The following CTRC variants were observed in gnomAD, a reference collection of about 807,000 sequenced individuals.
CTRC encodes the protein chymotrypsin-C.
CTRC carries 32 observed loss-of-function variants against 35.7 expected under a neutral mutation model. That is an observed-to-expected ratio of 0.90 (90% CI 0.68 to 1.20). The LOEUF is 1.20. CTRC is among the 50% of genes most tolerant of loss of function. CTRC has a pLI of 0.00. For synonymous variants in CTRC, 119 were observed against 149.5 expected (o/e 0.80, Z 1.49); for missense variants, 324 against 361.5 (o/e 0.90, Z 0.84).
intron 2 of CTRC, 27 bp from the exon 3 acceptor site, chr1:15,440,466 C>T: frequency 6.2e-7 from 1 of 1,612,574 alleles, no homozygotes; most frequent in Non-Finnish European, 8.5e-7. Context: ...TGCAGGCTGA[C>T]ACACAGCCCT....
intron 6 of CTRC, 146 bp downstream of exon 6, chr1:15,444,897 AC>A: frequency 6.4e-6 from 6 of 936,040 alleles, no homozygotes; most frequent in African/African-American, 1.6e-5. Flanking sequence ...TAAGCCCATC[AC>A]CCCCCATCAC....
intron 5 of CTRC, among the ~76,000 whole-genome samples, chr1:15,444,336 A>G (rs1708183365): frequency 6.6e-6 from 1 of 152,112 alleles, no homozygotes; most frequent in Non-Finnish European, 1.5e-5. Context: ...AAAGACAGAG[A>G]CCCACAGGAA....
Position 15,447,059 on chromosome 1 carries a change from C to T in CTRC, c.*470C>T, listed in dbSNP as rs1052780466. 3.0e-5 allele frequency: 9 copies of T among 300,020 alleles called. No homozygotes were observed. The highest frequency in any genetic ancestry group is 8.9e-5 in the East Asian group (1 of 11,282). 18.6% of individuals were successfully genotyped at this position (300,020 alleles called of 1,614,324 possible). ...GAAGACAGGGTCTCCCCAAAAGCAG[C>T]GTCCCCCAGGCCAGAGAGACCAGGC... is the stretch of plus-strand genomic sequence containing the variant. On this transcript the variant is annotated 3_prime_UTR_variant, in exon 8 of 8. Coordinates refer to ENST00000375949, the MANE Select transcript of CTRC (RefSeq NM_007272.3).
chr1:15,445,593 G>T lies in CTRC; in HGVS notation c.640-4G>T, dbSNP rs753912502. The T allele has an allele frequency of 3.1e-6, 5 of 1,614,088 alleles. No individual in the cohort carries two copies. Among genetic ancestry groups the T allele is most frequent in the Non-Finnish European group, 4.2e-6 (5 of 1,179,938 alleles). ...GTGGCTTATGCCCTCCCGGTCTGGTGCAGGGGGACTCCGGTGGCCCACTGA... is the reference window on the plus strand; with the variant it reads ...GTGGCTTATGCCCTCCCGGTCTGGTTCAGGGGGACTCCGGTGGCCCACTGA... On this transcript the variant is annotated splice_polypyrimidine_tract_variant and splice_region_variant and intron_variant, in intron 6 of 7. Coordinates refer to ENST00000375949, the MANE Select transcript of CTRC (RefSeq NM_007272.3).
chr1:15,445,721 T>A lies in CTRC; in HGVS notation c.764T>A (p.Val255Glu), dbSNP rs1570786774. Reference sequence around the variant, plus strand: ...AAGAAGCCGGTAGTCTACACCCGGGTGTCCGCCTACATCGACTGGATCAAC... The same window carrying A: ...AAGAAGCCGGTAGTCTACACCCGGGAGTCCGCCTACATCGACTGGATCAAC... Reference protein sequence around the residue: ...TRKKPVVYTRVSAYIDWINEK... With the variant: ...TRKKPVVYTRESAYIDWINEK... Residue 255 changes from valine to glutamate, a missense_variant, in exon 7 of 8, where the codon GTG becomes GAG. Coordinates refer to ENST00000375949, the MANE Select transcript of CTRC (RefSeq NM_007272.3). 1.2e-6 allele frequency: 2 copies of A among 1,614,150 alleles called. No homozygotes were observed. Among genetic ancestry groups the A allele is most frequent in the Non-Finnish European group, 1.7e-6 (2 of 1,180,020 alleles).
chr1:15,438,774 C>G (rs932054018), intron 1 of CTRC, among the ~76,000 whole-genome samples: 13 of 152,174 alleles, frequency 8.5e-5, no homozygotes, highest in Non-Finnish European at 1.6e-4. Flanking sequence ...GGGGGAGGGA[C>G]ACGAGATGCC....
chr1:15,438,606 A>G, intron 1 of CTRC, 102 bp downstream of exon 1: 1 of 1,376,852 alleles, frequency 7.3e-7, no homozygotes, highest in Non-Finnish European at 1.0e-6. Flanking sequence ...TCTCCAGGTA[A>G]GACACTTTGG....
chr1:15,442,319 T>C lies in CTRC; in HGVS notation c.231-128T>C, dbSNP rs551016441. 4.8e-5 allele frequency: 61 copies of C among 1,258,546 alleles called. 1 individual carries two copies. In the African/African-American group the frequency reaches 8.6e-4, roughly 18 times the overall value. 78.0% of individuals were successfully genotyped at this position (1,258,546 alleles called of 1,614,324 possible). A position where few individuals can be genotyped will look rare whatever the true frequency, so the allele number is the denominator to read the frequency against. ...AAGTCCCAGGCCCTTCCCCTCACCC[T>C]GGGAAAGGACAATGGGAACACTCTC... On this transcript the variant is annotated intron_variant, in intron 3 of 7. Transcript: ENST00000375949.
chr1:15,443,442 T>C lies in CTRC; in HGVS notation c.380T>C (p.Leu127Pro), dbSNP rs1430157537. 6.2e-7 allele frequency: 1 copy of C among 1,614,234 alleles called. No homozygotes were observed. The highest frequency in any genetic ancestry group is 1.1e-5 in the South Asian group (1 of 91,090). Residue 127 changes from leucine to proline, a missense_variant, in exon 5 of 8, where the codon CTT (leucine) becomes CCT (proline). Leu to Pro is a moderately conservative substitution (Grantham distance 98). Transcript: ENST00000375949. Reference protein sequence around the residue: ...LLRNDIALIKLAEHVELSDTI... With the variant: ...LLRNDIALIKPAEHVELSDTI... ...AGCAATGATATTGCCCTCATCAAGC[T>C]TGCAGAGCATGTGGAGCTGAGTGAC... is the stretch of plus-strand genomic sequence containing the variant.
chr1:15,443,366 C>G, intron 4 of CTRC, 53 bp from the exon 5 acceptor site: 1 of 1,612,640 alleles, frequency 6.2e-7, no homozygotes, highest in Non-Finnish European at 8.5e-7. Flanking sequence ...TTAGCCTGAG[C>G]TTGTGGGGCC....
In CTRC at chr1:15,444,727, C is replaced by T. The variant is rs756236720; in HGVS notation, c.615C>T (p.Gly205=). Residue 205 remains glycine (G), a synonymous_variant, in exon 6 of 8, where the codon GGC becomes GGT. Transcript: ENST00000375949. ...AGAAAACCATGGTGTGCGCTGGGGG[C>T]GATGGCGTCATCTCAGCCTGCAATG... ...RVKKTMVCAG[G]DGVISACNGD... 7 of 1,614,170 alleles carry T rather than the reference C, an allele frequency of 4.3e-6. No homozygotes were observed. Among genetic ancestry groups the T allele is most frequent in the Non-Finnish European group, 5.9e-6 (7 of 1,180,036 alleles).
At chr1:15,446,023 T>C (rs1708217121) in intron 7 of CTRC, among the ~76,000 whole-genome samples, 1 of 148,558 alleles carries the variant, frequency 6.7e-6, no homozygotes, top group Non-Finnish European at 1.5e-5. Context: ...TTCATGCATT[T>C]ATTTACTCAT....
intron 1 of CTRC, 61 bp downstream of exon 1, chr1:15,438,565 AG>A: frequency 6.3e-7 from 1 of 1,594,072 alleles, no homozygotes; most frequent in Non-Finnish European, 8.6e-7. Flanking sequence ...CTCCAGGGCA[AG>A]GACGGGATGG....
In CTRC at chr1:15,447,146, A is replaced by AC. The variant is rs1016692194; in HGVS notation, c.*563dup. 5 of 213,122 alleles carry AC rather than the reference A, an allele frequency of 2.3e-5. No individual in the cohort carries two copies. The highest frequency in any genetic ancestry group is 7.0e-5 in the African/African-American group (3 of 43,048). The allele number at this position is 213,122 out of a possible 1,614,324, so 13.2% of individuals were successfully genotyped here. A position where few individuals can be genotyped will look rare whatever the true frequency, so the allele number is the denominator to read the frequency against. On this transcript the variant is annotated 3_prime_UTR_variant, in exon 8 of 8. Transcript: ENST00000375949. ...CTGGGGAAGGGGCTCCCTAGCAGGG[A>AC]CCCCCCACCCCCACCCCGCAGCACA...
At position 15,446,717 on chromosome 1, in the gene CTRC, C is replaced by T. The variant is rs1708227648; in HGVS notation, c.*128C>T. On this transcript the variant is annotated 3_prime_UTR_variant, in exon 8 of 8. Coordinates refer to ENST00000375949, the MANE Select transcript of CTRC (RefSeq NM_007272.3). The stretch of plus-strand genomic sequence containing the variant: ...TCCTCTCTGGTGCTGCCCCTTTCCA[C>T]ACTATGGAGCCAAAGAGAGACCCCA... 9.1e-7 allele frequency: 1 copy of T among 1,094,782 alleles called. No individual in the cohort carries two copies. The highest frequency in any genetic ancestry group is 1.4e-6 in the Non-Finnish European group (1 of 715,134). The allele number at this position is 1,094,782 out of a possible 1,614,324, so 67.8% of individuals were successfully genotyped here. A position where few individuals can be genotyped will look rare whatever the true frequency, so the allele number is the denominator to read the frequency against.
chr1:15,443,670 T>C, intron 5 of CTRC, 115 bp downstream of exon 5: 1 of 1,296,468 alleles, frequency 7.7e-7, no homozygotes. Flanking sequence ...TTGTAAACTT[T>C]GTAACAATAA....
At chr1:15,442,845 T>C (rs550824880) in intron 4 of CTRC, among the ~76,000 whole-genome samples, 8 of 152,240 alleles carry the variant, frequency 5.3e-5, no homozygotes, top group African/African-American at 9.6e-5. Flanking sequence ...CTCACCTTTA[T>C]TGAGTTCCTA....
At chr1:15,440,139 C>T (rs766682171) in intron 1 of CTRC, among the ~76,000 whole-genome samples, 161 bp from the exon 2 acceptor site, 2 of 152,216 alleles carry the variant, frequency 1.3e-5, no homozygotes, top group Non-Finnish European at 2.9e-5. Flanking sequence ...GAAAACAAGG[C>T]CTAGAGACCT....
chr1:15,438,897 A>G (rs1184132795), intron 1 of CTRC, among the ~76,000 whole-genome samples: 2 of 152,192 alleles, frequency 1.3e-5, no homozygotes, highest in African/African-American at 4.8e-5. Flanking sequence ...TTAGGAGCCC[A>G]GGGACTTAGC....
Sources: allele counts gnomAD v4.1 joint callset (sites outside exome capture counted in the v4.1 genomes callset), GRCh38; gene constraint gnomAD v4.1.1; transcripts MANE v1.5; gene names NCBI Gene and HGNC (gene_info 2026-07-23, HGNC 2026-07-21).